MELTF: variants seen among roughly 807,000 people sequenced by gnomAD.
MELTF encodes melanotransferrin.
MELTF carries 67 observed loss-of-function variants against 83.7 expected under a neutral mutation model. The observed-to-expected ratio is 0.80, with a 90% CI of 0.66 to 0.98. The LOEUF is 0.98. MELTF is among the 50% of genes least tolerant of loss of function. The probability of loss-of-function intolerance (pLI) is 0.00; values close to 1 mark genes in which losing one functional copy is unlikely to be tolerated. For missense variants in MELTF, 1,002 were observed against 1,035.6 expected (o/e 0.97, Z 0.44); for synonymous variants, 462 against 447.6 (o/e 1.03, Z -0.41).
Position 197,004,066 on chromosome 3 carries a change from A to G in MELTF, c.1972T>C (p.Phe658Leu), listed in dbSNP as rs944718582. 5 of 1,613,832 alleles carry G rather than the reference A, an allele frequency of 3.1e-6. No homozygotes were observed. The African/African-American group carries it at 6.7e-5, about 22-fold the overall frequency. ...TAGTTGGAGGAGTCGAACATTTTGA[A>G]CCCGTTCTTATTGTGGTCGTCTCCA... ...LFGDDHNKNG[F>L]KMFDSSNYHG... is the part of the protein sequence containing the mutation. Residue 658 changes from phenylalanine to leucine, a missense_variant, in exon 15 of 16, where the codon TTC becomes CTC. Phe to Leu is a conservative substitution (Grantham distance 22, BLOSUM62 0). Transcript: ENST00000296350.
At position 197,017,737 on chromosome 3, in the gene MELTF, C is replaced by T. The variant is rs372854760; in HGVS notation, c.713-447G>A. 1.8e-4 allele frequency among the ~76,000 whole-genome samples: 27 copies of T among 152,164 alleles called. 1 individual carries two copies. In the South Asian group the frequency reaches 3.1e-3, roughly 18 times the overall value. The stretch of plus-strand genomic sequence containing the variant: ...CTAAAAATACAAAAAATTAGCTGGG[C>T]GTGGTGGCGGGCGCCTGTAATCCCA... On this transcript the variant is annotated intron_variant, in intron 6 of 15. Transcript: ENST00000296350.
chr3:197,024,126 G>A lies in MELTF; in HGVS notation c.487+177C>T, dbSNP rs545897628. The stretch of plus-strand genomic sequence containing the variant: ...CCAAGCAAGCAGGAAGTCAAGCGGC[G>A]GCGCCGGCGGCAGAGTGGAGGCGGG... On this transcript the variant is annotated intron_variant, in intron 4 of 15. Coordinates refer to ENST00000296350, the MANE Select transcript of MELTF (RefSeq NM_005929.6). The surrounding 1 kb of genome is among the most constrained non-coding windows in gnomAD (Gnocchi z 5.3). 3.3e-5 allele frequency among the ~76,000 whole-genome samples: 5 copies of A among 151,604 alleles called. No individual in the cohort carries two copies. Among genetic ancestry groups the A allele is most frequent in the Admixed American group, 1.3e-4 (2 of 15,232 alleles).
At position 197,029,404 on chromosome 3, in the gene MELTF, C is replaced by T; in HGVS notation, c.49+250G>A. On this transcript the variant is annotated intron_variant, in intron 1 of 15. Coordinates refer to ENST00000296350, the MANE Select transcript of MELTF (RefSeq NM_005929.6). This position sits in a 1 kb window ranked among gnomAD's most constrained non-coding sequence, Gnocchi z 6.5. The stretch of plus-strand genomic sequence containing the variant: ...CCTCCCCACCACGCCTCAGCCCGCG[C>T]TTCTCCTTGGAGCGTCGGAAGCCTC... The T allele has an allele frequency of 2.6e-6, 1 of 381,800 alleles. No homozygotes were observed. The highest frequency in any genetic ancestry group is 4.6e-6 in the Non-Finnish European group (1 of 215,996). The allele number at this position is 381,800 out of a possible 1,614,324, so 23.7% of individuals were successfully genotyped here. A position where few individuals can be genotyped will look rare whatever the true frequency, so the allele number is the denominator to read the frequency against.
intron 8 of MELTF, 141 bp from the exon 9 acceptor site, chr3:197,015,657 C>G: frequency 1.0e-6 from 1 of 959,838 alleles, no homozygotes. Flanking sequence ...GATCCCACTT[C>G]CTCACACAGA....
rs761482418 is a variant in MELTF at position 197,010,691 on chromosome 3, C to T, written c.1330+7G>A. 2 of 1,609,998 alleles carry T rather than the reference C, an allele frequency of 1.2e-6. No homozygotes were observed. The highest frequency in any genetic ancestry group is 2.2e-5 in the East Asian group (1 of 44,894). The stretch of plus-strand genomic sequence containing the variant: ...GGCTGAGGCCAGGCGGCAGGCCCTG[C>T]ACTCACGGGCATAGTGCTCCCCGGC... On this transcript the variant is annotated splice_region_variant and intron_variant, in intron 10 of 15. Transcript: ENST00000296350.
chr3:197,019,462 G>T, intron 6 of MELTF: 1 of 1,446,160 alleles, frequency 6.9e-7, no homozygotes. Context: ...CTTTGAAAAA[G>T]CTGCCAGGTG....
Position 197,029,308 on chromosome 3 carries a change from C to T in MELTF, c.49+346G>A, listed in dbSNP as rs902918838. 1.2e-4 allele frequency: 31 copies of T among 261,928 alleles called. 1 individual carries two copies. The Admixed American group carries it at 1.6e-3, about 13-fold the overall frequency. 16.2% of individuals were successfully genotyped at this position (261,928 alleles called of 1,614,324 possible). A position where few individuals can be genotyped will look rare whatever the true frequency, so the allele number is the denominator to read the frequency against. ...GGGAGAAAGAGCTGCTCCGAGCCCC[C>T]AAAGTCTTCCTGAGTTCCTGCGCCC... On this transcript the variant is annotated intron_variant, in intron 1 of 15. Transcript: ENST00000296350. The surrounding 1 kb of genome is among the most constrained non-coding windows in gnomAD (Gnocchi z 6.5).
chr3:197,004,119 A>T lies in MELTF; in HGVS notation c.1939-20T>A. On this transcript the variant is annotated intron_variant, in intron 14 of 15. Transcript: ENST00000296350. The stretch of plus-strand genomic sequence containing the variant: ...CAGGTCCTGGAAGCACCGCAGGCAG[A>T]CGACCTGCTCCTCACTGGGCTCAGG... 1 of 1,613,280 alleles carries T rather than the reference A, an allele frequency of 6.2e-7. No individual in the cohort carries two copies. The highest frequency in any genetic ancestry group is 8.5e-7 in the Non-Finnish European group (1 of 1,179,362).
intron 4 of MELTF, chr3:197,023,836 C>T (rs1203674195): frequency 6.6e-6 from 3 of 456,702 alleles, no homozygotes; most frequent in East Asian, 6.9e-5. Context: ...CAGGCTCTCG[C>T]GGGTTTACAC....
At chr3:197,028,139 G>A in intron 1 of MELTF, 1 of 543,274 alleles carries the variant, frequency 1.8e-6, no homozygotes, top group Non-Finnish European at 3.3e-6. Context: ...CAAATGGAAT[G>A]GCTCAGAACC....
At chr3:197,009,524 C>A in intron 11 of MELTF, 94 bp downstream of exon 11, 1 of 1,317,372 alleles carries the variant, frequency 7.6e-7, no homozygotes. Context: ...GCCTGGCCAC[C>A]TTCCAACAAG....
In MELTF at chr3:197,008,850, G is replaced by T. The variant is rs760615350; in HGVS notation, c.1641C>A (p.Gly547=). The T allele has an allele frequency of 6.2e-7, 1 of 1,614,156 alleles. No homozygotes were observed. The highest frequency in any genetic ancestry group is 1.1e-5 in the South Asian group (1 of 91,088). ...AGCCGTAATACCGCTCCTGGCTGTT[G>T]CCCACACACTTGTTGCGGCCCTGCT... ...GDEQGRNKCV[G]NSQERYYGYR... is the part of the protein sequence containing the mutation. The change falls in exon 12 of 16, where the codon GGC becomes GGA. Residue 547 remains glycine, a synonymous_variant. Coordinates refer to ENST00000296350, the MANE Select transcript of MELTF (RefSeq NM_005929.6). The surrounding 1 kb of genome is among the most constrained non-coding windows in gnomAD (Gnocchi z 5.4).
In MELTF at chr3:197,003,629, C is replaced by A. The variant is rs1471642311; in HGVS notation, c.2138-178G>T. On this transcript the variant is annotated intron_variant, in intron 15 of 15. Coordinates refer to ENST00000296350, the MANE Select transcript of MELTF (RefSeq NM_005929.6). The surrounding 1 kb of genome is among the most constrained non-coding windows in gnomAD (Gnocchi z 6.2). ...GCGCTCTTTCCAGAAAGGCAGCACACGCATGTCTCTGCCGTGGCCCCAGAT... is the reference window on the plus strand; with the variant it reads ...GCGCTCTTTCCAGAAAGGCAGCACAAGCATGTCTCTGCCGTGGCCCCAGAT... The A allele has an allele frequency of 2.6e-5, 17 of 654,734 alleles. No individual in the cohort carries two copies. Among genetic ancestry groups the A allele is most frequent in the Non-Finnish European group, 4.2e-5 (17 of 400,830 alleles). 40.6% of individuals were successfully genotyped at this position (654,734 alleles called of 1,614,324 possible). A position where few individuals can be genotyped will look rare whatever the true frequency, so the allele number is the denominator to read the frequency against.
Position 197,006,517 on chromosome 3 carries a change from C to G in MELTF, c.1938+32G>C. ...GGGCTCAGCTTACCTCTGCTGCACA[C>G]CCCTCAATGAGGTAGCCCCACCCTG... On this transcript the variant is annotated intron_variant, in intron 14 of 15. Transcript: ENST00000296350. The surrounding 1 kb of genome is among the most constrained non-coding windows in gnomAD (Gnocchi z 5.4). 1 of 1,597,816 alleles carries G rather than the reference C, an allele frequency of 6.3e-7. No individual in the cohort carries two copies. The highest frequency in any genetic ancestry group is 1.1e-5 in the South Asian group (1 of 88,982).
At chr3:197,016,490 C>T in intron 7 of MELTF, 121 bp from the exon 8 acceptor site, 2 of 814,714 alleles carry the variant, frequency 2.5e-6, no homozygotes, top group Non-Finnish European at 3.7e-6. Context: ...CCCTGAGGGC[C>T]AGGTGAGGCC....
chr3:197,008,893 GCA>G lies in MELTF; in HGVS notation c.1596_1597del (p.Ala533ThrfsTer36). ...GCCCTGCTCGTCCCCCACGCACAGT[GCA>G]CACAGCGAGGAGGGGTAGTTCTTGG... On this transcript the variant is annotated frameshift_variant, in exon 12 of 16. Transcript: ENST00000296350. LOFTEE classifies it high-confidence loss of function. This position sits in a 1 kb window ranked among gnomAD's most constrained non-coding sequence, Gnocchi z 5.4. 6.2e-7 allele frequency: 1 copy of G among 1,614,186 alleles called. No homozygotes were observed. The highest frequency in any genetic ancestry group is 1.1e-5 in the South Asian group (1 of 91,084).
At position 197,024,529 on chromosome 3, in the gene MELTF, CGA is replaced by C. The variant is rs765572281; in HGVS notation, c.305-46_305-45del. ...GGGTGAGGGCAGCAGGGAGAGGCCT[CGA>C]GAGAGGCTGCACCAGCACCCTGCCT... On this transcript the variant is annotated intron_variant, in intron 3 of 15. Coordinates refer to ENST00000296350, the MANE Select transcript of MELTF (RefSeq NM_005929.6). The surrounding 1 kb of genome is among the most constrained non-coding windows in gnomAD (Gnocchi z 5.3). 7.3e-6 allele frequency: 11 copies of C among 1,514,898 alleles called. No individual in the cohort carries two copies. In the South Asian group the frequency reaches 7.6e-5, roughly 10 times the overall value. The allele number at this position is 1,514,898 out of a possible 1,614,324, so 93.8% of individuals were successfully genotyped here.
rs1036174467 is a variant in MELTF, at chr3:197,011,640, C to T, written c.1234-846G>A. Among the ~76,000 whole-genome samples, 4 of 152,110 alleles carry T rather than the reference C, an allele frequency of 2.6e-5. No individual in the cohort carries two copies. Among genetic ancestry groups the T allele is most frequent in the Non-Finnish European group, 5.9e-5 (4 of 68,000 alleles). Reference sequence around the variant, plus strand: ...GGTGCACAGCTCGGGGCCCTTTTTCCACCACTCAGACCTCCCCCTTCCTAT... The same window carrying T: ...GGTGCACAGCTCGGGGCCCTTTTTCTACCACTCAGACCTCCCCCTTCCTAT... On this transcript the variant is annotated intron_variant, in intron 9 of 15. Transcript: ENST00000296350. The surrounding 1 kb of genome is among the most constrained non-coding windows in gnomAD (Gnocchi z 4.2).
chr3:197,021,893 G>A (rs987110189), intron 5 of MELTF, among the ~76,000 whole-genome samples: 3 of 152,212 alleles, frequency 2.0e-5, no homozygotes, highest in East Asian at 1.9e-4. Flanking sequence ...TCACTGTGTC[G>A]CCCAGGCTGG....
Sources: gnomAD v4.1 joint callset for allele counts (sites outside exome capture counted in the v4.1 genomes callset) on GRCh38, gnomAD v4.1.1 for gene constraint, Gnocchi (gnomAD v3.1) non-coding constraint, MANE v1.5 for transcripts, NCBI Gene and HGNC (gene_info 2026-07-23, HGNC 2026-07-21) for gene names.